BCAR3: variants seen among roughly 807,000 people sequenced by gnomAD.
The protein encoded by BCAR3 is BCAR3 adaptor protein, NSP family member.
In BCAR3, 37 loss-of-function variants were observed where a neutral mutation model predicts 80.1. The observed-to-expected ratio is 0.46, with a 90% CI of 0.36 to 0.61. BCAR3 has a LOEUF of 0.61. BCAR3 is among the 20% of genes least tolerant of loss of function. BCAR3 has a pLI of 0.00. For missense variants in BCAR3, 978 were observed against 1,068.2 expected (o/e 0.92, Z 1.18); for synonymous variants, 389 against 418.9 (o/e 0.93, Z 0.87).
chr1:93,733,028 C>T (rs897970250), intron 2 of BCAR3, among the ~76,000 whole-genome samples: 6 of 152,306 alleles, frequency 3.9e-5, no homozygotes, highest in East Asian at 3.9e-4. Context: ...GAAAGCAACA[C>T]GAAATACAAA....
chr1:93,674,761 C>A lies in BCAR3; in HGVS notation c.170G>T (p.Gly57Val), dbSNP rs758891472. 5 of 1,612,996 alleles carry A rather than the reference C, an allele frequency of 3.1e-6. No individual in the cohort carries two copies. The East Asian group carries it at 8.9e-5, about 29-fold the overall frequency. The change falls in exon 2 of 12, where the codon GGT becomes GTT. Residue 57 changes from glycine to valine, a missense_variant. Coordinates refer to ENST00000260502, the MANE Select transcript of BCAR3 (RefSeq NM_003567.4). Reference protein sequence around the residue: ...IHGTLPRKKKGPPPIRSCDDF... With the variant: ...IHGTLPRKKKVPPPIRSCDDF... ...ATCACAGGACCTTATGGGAGGAGGA[C>A]CTTTTTTCTTCCGTGGAAGGGTGCC... is the stretch of plus-strand genomic sequence containing the variant.
intron 5 of BCAR3, chr1:93,585,220 G>C (rs1570934326): frequency 5.1e-6 from 5 of 985,568 alleles, no homozygotes; most frequent in Non-Finnish European, 6.0e-6. Flanking sequence ...CAGCCAACTA[G>C]CAGGCCCGAC....
intron 3 of BCAR3, among the ~76,000 whole-genome samples, chr1:93,690,727 T>C (rs1480968748): frequency 1.3e-5 from 2 of 152,372 alleles, no homozygotes; most frequent in Non-Finnish European, 2.9e-5. Flanking sequence ...ACATACCTCA[T>C]GATGCTGTTG....
intron 3 of BCAR3, among the ~76,000 whole-genome samples, chr1:93,697,750 C>T (rs541713214): frequency 2.2e-4 from 33 of 152,172 alleles, no homozygotes; most frequent in Admixed American, 2.1e-3. Flanking sequence ...GAGGCCGAGA[C>T]GACGGATCAC....
chr1:93,846,315 C>G (rs950700780), intron 1 of BCAR3, among the ~76,000 whole-genome samples: 1 of 152,198 alleles, frequency 6.6e-6, no homozygotes, highest in Non-Finnish European at 1.5e-5. Flanking sequence ...GGTGCAGAAA[C>G]GGGCTGTGGC....
chr1:93,674,758 G>A lies in BCAR3; in HGVS notation c.173C>T (p.Pro58Leu), dbSNP rs1203867650. The part of the protein sequence containing the change: ...HGTLPRKKKG[P>L]PPIRSCDDFS... ...GTCATCACAGGACCTTATGGGAGGA[G>A]GACCTTTTTTCTTCCGTGGAAGGGT... Residue 58 changes from proline to leucine, a missense_variant, in exon 2 of 12, where the codon CCT becomes CTT. By Grantham distance (98) the Pro-to-Leu change is moderately conservative (BLOSUM62 -3). Coordinates refer to ENST00000260502, the MANE Select transcript of BCAR3 (RefSeq NM_003567.4). The A allele has an allele frequency of 1.9e-6, 3 of 1,613,022 alleles. No individual in the cohort carries two copies. Among genetic ancestry groups the A allele is most frequent in the African/African-American group, 2.7e-5 (2 of 74,796 alleles).
chr1:93,575,161 T>C (rs1673402242), intron 8 of BCAR3, among the ~76,000 whole-genome samples: 1 of 152,158 alleles, frequency 6.6e-6, no homozygotes, highest in Non-Finnish European at 1.5e-5. Flanking sequence ...GCTACTGTAA[T>C]AGCCAGTGCA....
At chr1:93,590,962 T>C (rs1674150142) in intron 4 of BCAR3, among the ~76,000 whole-genome samples, 1 of 152,134 alleles carries the variant, frequency 6.6e-6, no homozygotes, top group Non-Finnish European at 1.5e-5. Context: ...TACAATCTCA[T>C]ACTTGATTTC....
chr1:93,562,138 T>C lies in BCAR3; in HGVS notation c.*103A>G. Reference sequence around the variant, plus strand: ...CCTGTGGATACTAAAAGCTTGTATATTGTCAGATTTGCACATTATTACTTT... The same window carrying C: ...CCTGTGGATACTAAAAGCTTGTATACTGTCAGATTTGCACATTATTACTTT... On this transcript the variant is annotated 3_prime_UTR_variant, in exon 12 of 12. Coordinates refer to ENST00000260502, the MANE Select transcript of BCAR3 (RefSeq NM_003567.4). 8.0e-7 allele frequency: 1 copy of C among 1,244,336 alleles called. No individual in the cohort carries two copies. Among genetic ancestry groups the C allele is most frequent in the Non-Finnish European group, 1.1e-6 (1 of 897,428 alleles). 77.1% of individuals were successfully genotyped at this position (1,244,336 alleles called of 1,614,324 possible).
chr1:93,690,378 T>G (rs1649146864), intron 3 of BCAR3, among the ~76,000 whole-genome samples: 1 of 152,256 alleles, frequency 6.6e-6, no homozygotes, highest in Non-Finnish European at 1.5e-5. Flanking sequence ...GGTACTGTTC[T>G]AAGAACCCTA....
At chr1:93,620,097 C>T (rs1260888889) in intron 3 of BCAR3, among the ~76,000 whole-genome samples, 1 of 152,154 alleles carries the variant, frequency 6.6e-6, no homozygotes, top group Non-Finnish European at 1.5e-5. Flanking sequence ...CCCCACTGTA[C>T]TCGCAGGGCA....
intron 2 of BCAR3, among the ~76,000 whole-genome samples, chr1:93,831,715 C>T (rs1006197733): frequency 2.0e-5 from 3 of 152,104 alleles, no homozygotes; most frequent in Non-Finnish European, 4.4e-5. Flanking sequence ...TGCTCCTTGG[C>T]AGGCTGAGCC....
chr1:93,568,401 G>C (rs999964754), intron 9 of BCAR3, among the ~76,000 whole-genome samples: 3 of 152,144 alleles, frequency 2.0e-5, no homozygotes, highest in African/African-American at 4.8e-5. Flanking sequence ...AGCCTGGCCT[G>C]CTGGCCAGTC....
chr1:93,832,362 A>G (rs978992245), intron 2 of BCAR3, among the ~76,000 whole-genome samples: 1 of 152,200 alleles, frequency 6.6e-6, no homozygotes, highest in Non-Finnish European at 1.5e-5. Flanking sequence ...CCACTGGGCC[A>G]AGGAATGCCT....
intron 9 of BCAR3, among the ~76,000 whole-genome samples, chr1:93,569,553 G>T (rs964208674): frequency 1.3e-5 from 2 of 152,256 alleles, no homozygotes; most frequent in Admixed American, 1.3e-4. Flanking sequence ...ATATTCTCTT[G>T]ATACTAGAAG....
intron 2 of BCAR3, among the ~76,000 whole-genome samples, chr1:93,765,050 G>A (rs1024502018): frequency 2.0e-5 from 3 of 152,180 alleles, no homozygotes; most frequent in Non-Finnish European, 4.4e-5. Flanking sequence ...GTCAGGATGA[G>A]CTTCAGTGGA....
At chr1:93,722,440 G>A (rs1437061618) in intron 2 of BCAR3, among the ~76,000 whole-genome samples, 1 of 152,158 alleles carries the variant, frequency 6.6e-6, no homozygotes, top group Admixed American at 6.5e-5. Flanking sequence ...CACGGTCCAT[G>A]GGGTGCCCTG....
intron 9 of BCAR3, 155 bp from the exon 10 acceptor site, chr1:93,568,006 G>A (rs998561084): frequency 7.2e-6 from 4 of 552,058 alleles, no homozygotes; most frequent in Admixed American, 5.9e-5. Flanking sequence ...GGCCAGTATG[G>A]TGAAACCCTG....
At chr1:93,651,267 A>G (rs1272321957) in intron 2 of BCAR3, among the ~76,000 whole-genome samples, 1 of 152,172 alleles carries the variant, frequency 6.6e-6, no homozygotes, top group Non-Finnish European at 1.5e-5. Flanking sequence ...ACCTACGGGG[A>G]GGAAGATTTT....
Sources: allele counts gnomAD v4.1 joint callset (sites outside exome capture counted in the v4.1 genomes callset), GRCh38; gene constraint gnomAD v4.1.1; transcripts MANE v1.5; gene names NCBI Gene and HGNC (gene_info 2026-07-23, HGNC 2026-07-21).